The following WIPF2 variants were observed in gnomAD, a reference collection of about 807,000 sequenced individuals.
WIPF2 encodes the protein WAS/WASL-interacting protein family member 2.
In WIPF2, 23 loss-of-function variants were observed where a neutral mutation model predicts 38.8. The observed-to-expected ratio is 0.59, with a 90% CI of 0.43 to 0.84. WIPF2 has a LOEUF of 0.84. Among genes scored for constraint, WIPF2 ranks in the 40% least tolerant of loss-of-function variants. The pLI, the probability that WIPF2 is intolerant of heterozygous loss-of-function variation, is 0.00. For synonymous variants in WIPF2, 210 were observed against 223.2 expected (o/e 0.94, Z 0.53); for missense variants, 574 against 580.5 (o/e 0.99, Z 0.11).
intron 5 of WIPF2, among the ~76,000 whole-genome samples, chr17:40,271,116 G>A (rs1396049775): frequency 6.6e-6 from 1 of 152,220 alleles, no homozygotes; most frequent in African/African-American, 2.4e-5. Context: ...GATTGCAGGC[G>A]TGTGCCACCA....
intron 5 of WIPF2, among the ~76,000 whole-genome samples, chr17:40,271,285 T>G (rs564779630): frequency 6.6e-6 from 1 of 152,254 alleles, no homozygotes; most frequent in East Asian, 1.9e-4. Flanking sequence ...CAAGATACCG[T>G]TTTACTACTA....
chr17:40,267,663 C>G (rs1324675498), intron 5 of WIPF2, among the ~76,000 whole-genome samples: 1 of 152,188 alleles, frequency 6.6e-6, no homozygotes, highest in Non-Finnish European at 1.5e-5. Flanking sequence ...TCTCAGCCTC[C>G]TGACTAGCTG....
At chr17:40,270,403 CAA>C (rs1452988416) in intron 5 of WIPF2, among the ~76,000 whole-genome samples, 1 of 150,740 alleles carries the variant, frequency 6.6e-6, no homozygotes, top group Non-Finnish European at 1.5e-5. Context: ...CTGGATCTGA[CAA>C]AGAGCCCAGA....
At chr17:40,237,483 C>T (rs1250221037) in intron 1 of WIPF2, among the ~76,000 whole-genome samples, 2 of 151,858 alleles carry the variant, frequency 1.3e-5, no homozygotes, top group African/African-American at 2.4e-5. Flanking sequence ...TCAAATGATC[C>T]GCCTGTGTTG....
chr17:40,244,189 C>G (rs1395520453), intron 1 of WIPF2, among the ~76,000 whole-genome samples: 1 of 152,124 alleles, frequency 6.6e-6, no homozygotes, highest in East Asian at 1.9e-4. Context: ...AGTGGAAACC[C>G]TCTGTTATAG....
intron 5 of WIPF2, among the ~76,000 whole-genome samples, chr17:40,271,755 A>G (rs2032255382): frequency 1.3e-5 from 2 of 152,218 alleles, no homozygotes; most frequent in South Asian, 2.1e-4. Flanking sequence ...ATGTGTGGCT[A>G]TAAGACTTTT....
intron 1 of WIPF2, among the ~76,000 whole-genome samples, chr17:40,250,697 G>A (rs1329036420): frequency 6.6e-6 from 1 of 151,976 alleles, no homozygotes. Context: ...TAATAGATCA[G>A]AAAGGAAATA....
intron 1 of WIPF2, among the ~76,000 whole-genome samples, chr17:40,232,869 C>T (rs1370565652): frequency 6.6e-6 from 1 of 151,270 alleles, no homozygotes; most frequent in African/African-American, 2.4e-5. Context: ...AACTCCCGAC[C>T]TCAGGTCGTC....
intron 1 of WIPF2, chr17:40,220,662 C>T (rs1190442221): frequency 2.1e-5 from 3 of 139,766 alleles, no homozygotes; most frequent in Admixed American, 1.5e-4. Context: ...GAGACAGAGT[C>T]TTGCCCTGTT....
intron 6 of WIPF2, among the ~76,000 whole-genome samples, chr17:40,274,532 C>T (rs1014911200): frequency 7.4e-4 from 76 of 102,900 alleles, no homozygotes; most frequent in African/African-American, 2.7e-3. Flanking sequence ...TGAGCCATCA[C>T]ATCCAGCCTT....
intron 1 of WIPF2, among the ~76,000 whole-genome samples, chr17:40,232,763 T>C (rs1204356134): frequency 1.3e-5 from 2 of 151,180 alleles, no homozygotes; most frequent in African/African-American, 4.9e-5. Context: ...CTCAGCCTCC[T>C]GAGTAGCTGG....
At chr17:40,270,440 G>C (rs531185012) in intron 5 of WIPF2, among the ~76,000 whole-genome samples, 1 of 151,860 alleles carries the variant, frequency 6.6e-6, no homozygotes, top group East Asian at 1.9e-4. Flanking sequence ...AGCAGAACCT[G>C]GCTGGGATGA....
At chr17:40,231,179 AGG>A (rs1311581341) in intron 1 of WIPF2, among the ~76,000 whole-genome samples, 1 of 152,164 alleles carries the variant, frequency 6.6e-6, no homozygotes, top group East Asian at 1.9e-4. Flanking sequence ...TGATGGCTTA[AGG>A]GTATTAGAAT....
At chr17:40,254,362 A>G (rs183295215) in intron 1 of WIPF2, among the ~76,000 whole-genome samples, 2 of 151,978 alleles carry the variant, frequency 1.3e-5, no homozygotes, top group African/African-American at 4.8e-5. Context: ...TCTTCCATGG[A>G]TTGATTGGTG....
intron 2 of WIPF2, among the ~76,000 whole-genome samples, chr17:40,258,207 G>A (rs914298864): frequency 6.6e-6 from 1 of 151,950 alleles, no homozygotes; most frequent in Non-Finnish European, 1.5e-5. Flanking sequence ...AGACCAGCCT[G>A]GCCAACATGG....
At chr17:40,275,816 C>T (rs2032380445) in intron 6 of WIPF2, among the ~76,000 whole-genome samples, 1 of 152,178 alleles carries the variant, frequency 6.6e-6, no homozygotes, top group African/African-American at 2.4e-5. Flanking sequence ...ACCCACCCAC[C>T]TTGGCCTCCC....
chr17:40,250,793 G>A (rs534401884), intron 1 of WIPF2, among the ~76,000 whole-genome samples: 60 of 152,072 alleles, frequency 3.9e-4, no homozygotes, highest in African/African-American at 1.3e-3. Context: ...TTAGCTGCAC[G>A]TGGTGGTGCT....
chr17:40,228,622 A>C (rs1282280607), intron 1 of WIPF2, among the ~76,000 whole-genome samples: 3 of 147,792 alleles, frequency 2.0e-5, no homozygotes, highest in African/African-American at 7.5e-5. Context: ...GGCAGTGAAC[A>C]AATTTTCTTG....
chr17:40,266,564 A>T (rs2032094165), intron 5 of WIPF2, among the ~76,000 whole-genome samples: 1 of 152,124 alleles, frequency 6.6e-6, no homozygotes, highest in Non-Finnish European at 1.5e-5. Context: ...GGAGGAGAGA[A>T]ATTGGAGATA....
Sources: gnomAD v4.1 joint callset for allele counts (sites outside exome capture counted in the v4.1 genomes callset) on GRCh38, gnomAD v4.1.1 for gene constraint, MANE v1.5 for transcripts, NCBI Gene and HGNC (gene_info 2026-07-23, HGNC 2026-07-21) for gene names.